BPTF: variants seen among roughly 807,000 people sequenced by gnomAD.
BPTF encodes nucleosome-remodeling factor subunit BPTF.
BPTF carries 18 observed loss-of-function variants against 292.5 expected under a neutral mutation model. The ratio of observed to expected loss-of-function variants is 0.06; its 90% CI spans 0.04 to 0.09. BPTF has a LOEUF of 0.09. Among genes scored for constraint, BPTF ranks in the 10% least tolerant of loss-of-function variants. The probability of loss-of-function intolerance (pLI) is 1.00; values close to 1 mark genes in which losing one functional copy is unlikely to be tolerated. For synonymous variants in BPTF, 1,225 were observed against 1,251.9 expected (o/e 0.98, Z 0.45); for missense variants, 2,726 against 3,498.7 (o/e 0.78, Z 5.57).
At chr17:67,961,148 T>C (rs1331334616) in intron 24 of BPTF, among the ~76,000 whole-genome samples, 1 of 152,240 alleles carries the variant, frequency 6.6e-6, no homozygotes, top group East Asian at 1.9e-4. Context: ...TTCTTTGGCC[T>C]GTTTAGAGTA....
At chr17:67,926,418 G>A (rs750061424) in intron 15 of BPTF, among the ~76,000 whole-genome samples, 4 of 144,086 alleles carry the variant, frequency 2.8e-5, no homozygotes, top group Non-Finnish European at 6.0e-5. Flanking sequence ...TCCGCCTCCC[G>A]GGTTCACGCC....
Position 67,904,691 on chromosome 17 carries a change from A to AT in BPTF, c.2674-8dup. On this transcript the variant is annotated splice_polypyrimidine_tract_variant and intron_variant, in intron 8 of 27. Coordinates refer to ENST00000306378, the MANE Select transcript of BPTF (RefSeq NM_182641.4). ...CTTATTGTTTAATCAAAATGTTTTC[A>AT]TTTACACCAGGTTTGGAAACAAAAA... 1 of 1,589,422 alleles carries AT rather than the reference A, an allele frequency of 6.3e-7. No individual in the cohort carries two copies. The highest frequency in any genetic ancestry group is 8.6e-7 in the Non-Finnish European group (1 of 1,165,338).
At chr17:67,952,344 A>T (rs559501049) in intron 23 of BPTF, among the ~76,000 whole-genome samples, 2 of 148,092 alleles carry the variant, frequency 1.4e-5, no homozygotes, top group African/African-American at 2.5e-5. Context: ...GTTCACTGCA[A>T]CCTCTGCCTG....
intron 24 of BPTF, chr17:67,963,560 G>T: frequency 3.8e-6 from 5 of 1,329,506 alleles, no homozygotes; most frequent in South Asian, 2.2e-5. Flanking sequence ...AAATTGCTCT[G>T]ACTGGTTACT....
chr17:67,850,845 T>C (rs543843176), intron 1 of BPTF, among the ~76,000 whole-genome samples: 1 of 152,330 alleles, frequency 6.6e-6, no homozygotes, highest in East Asian at 1.9e-4. Context: ...ACATATTAAA[T>C]GCTCTGCATT....
chr17:67,922,213 G>A (rs1336580163), intron 13 of BPTF, among the ~76,000 whole-genome samples: 1 of 152,128 alleles, frequency 6.6e-6, no homozygotes, highest in African/African-American at 2.4e-5. Context: ...GTACAATTCA[G>A]GTCCTGCTTT....
intron 1 of BPTF, among the ~76,000 whole-genome samples, chr17:67,839,129 TAA>T (rs543954995): frequency 5.0e-4 from 72 of 144,440 alleles, no homozygotes; most frequent in African/African-American, 1.8e-3. Flanking sequence ...ACCTGGGTAA[TAA>T]AAAAAAAAGA....
intron 17 of BPTF, among the ~76,000 whole-genome samples, chr17:67,930,450 C>T (rs1169150057): frequency 2.6e-5 from 4 of 151,972 alleles, no homozygotes; most frequent in Non-Finnish European, 4.4e-5. Flanking sequence ...CCACCTGTCT[C>T]GGCCTCCCAA....
intron 2 of BPTF, among the ~76,000 whole-genome samples, chr17:67,861,906 C>A (rs1220609426): frequency 1.3e-5 from 2 of 152,134 alleles, no homozygotes; most frequent in Non-Finnish European, 2.9e-5. Context: ...CCCTTTCTTT[C>A]CCTGAACCCC....
intron 1 of BPTF, among the ~76,000 whole-genome samples, chr17:67,829,653 T>A (rs1172189774): frequency 2.0e-5 from 3 of 152,174 alleles, no homozygotes; most frequent in African/African-American, 7.2e-5. Context: ...AAAAAAGTTT[T>A]AGAACTGGTT....
intron 18 of BPTF, among the ~76,000 whole-genome samples, chr17:67,936,165 T>G (rs1309271444): frequency 1.3e-5 from 2 of 152,336 alleles, no homozygotes; most frequent in East Asian, 3.9e-4. Flanking sequence ...CCCATTTTAC[T>G]AATTTAGCAC....
intron 3 of BPTF, 36 bp downstream of exon 3, chr17:67,866,723 G>A: frequency 2.6e-6 from 4 of 1,551,274 alleles, no homozygotes; most frequent in Non-Finnish European, 2.7e-6. Context: ...TTTTTGTTAA[G>A]TCTGAGCTAA....
At chr17:67,836,196 T>C (rs2057119027) in intron 1 of BPTF, among the ~76,000 whole-genome samples, 1 of 152,220 alleles carries the variant, frequency 6.6e-6, no homozygotes, top group East Asian at 1.9e-4. Flanking sequence ...ATTATTTATC[T>C]ATGGAACCCC....
intron 1 of BPTF, among the ~76,000 whole-genome samples, chr17:67,853,540 G>A (rs962652151): frequency 7.2e-5 from 11 of 152,092 alleles, no homozygotes; most frequent in Non-Finnish European, 1.5e-4. Flanking sequence ...TGTATCTTAT[G>A]TGTAAATGTT....
chr17:67,840,102 T>A (rs1392165061), intron 1 of BPTF, among the ~76,000 whole-genome samples: 1 of 132,344 alleles, frequency 7.6e-6, no homozygotes, highest in African/African-American at 3.3e-5. Context: ...GGAAAAATAC[T>A]GATTTTTTTT....
intron 17 of BPTF, among the ~76,000 whole-genome samples, chr17:67,930,208 C>CT (rs1373258593): frequency 6.6e-6 from 1 of 151,470 alleles, no homozygotes; most frequent in Non-Finnish European, 1.5e-5. Context: ...TACATCATTT[C>CT]TTTTTTTGAG....
intron 18 of BPTF, among the ~76,000 whole-genome samples, chr17:67,933,713 TA>T (rs1255266213): frequency 7.2e-5 from 11 of 152,176 alleles, no homozygotes; most frequent in African/African-American, 2.4e-4. Flanking sequence ...AAGCCACAAT[TA>T]AACTATGTAT....
intron 18 of BPTF, among the ~76,000 whole-genome samples, chr17:67,933,974 G>A (rs2064672620): frequency 6.6e-6 from 1 of 152,044 alleles, no homozygotes; most frequent in Non-Finnish European, 1.5e-5. Context: ...AACTCAGGAG[G>A]TGGAGGTTGC....
intron 26 of BPTF, chr17:67,974,241 T>C (rs2069124822): frequency 6.6e-6 from 1 of 152,104 alleles, no homozygotes; most frequent in Admixed American, 6.5e-5. Flanking sequence ...TTGTTTCAGA[T>C]AGATTTATTT....
Sources: gnomAD v4.1 joint callset for allele counts (sites outside exome capture counted in the v4.1 genomes callset) on GRCh38, gnomAD v4.1.1 for gene constraint, MANE v1.5 for transcripts, NCBI Gene and HGNC (gene_info 2026-07-23, HGNC 2026-07-21) for gene names.